SYT6: variants seen among roughly 807,000 people sequenced by gnomAD.
SYT6 encodes the protein synaptotagmin 6.
SYT6 carries 24 observed loss-of-function variants against 38.4 expected under a neutral mutation model. That is an observed-to-expected ratio of 0.62 (90% CI 0.45 to 0.88). The LOEUF is 0.88. Ranked by LOEUF, SYT6 falls within the 40% of genes least tolerant of loss-of-function variation. The pLI, the probability that SYT6 is intolerant of heterozygous loss-of-function variation, is 0.00. For synonymous variants in SYT6, 265 were observed against 241.9 expected, an observed-to-expected ratio of 1.10 and a Z score of -0.89; for missense variants, 611 against 621.0, an observed-to-expected ratio of 0.98 and a Z score of 0.17.
At chr1:114,149,222 T>TGTGTGTGTGTGTGTGTGTGTGCGCGC (rs769842650) in intron 1 of SYT6, among the ~76,000 whole-genome samples, 11,474 of 117,990 alleles carry the variant, frequency 0.097, 579 homozygotes, top group East Asian at 0.21. Flanking sequence ...AGAGATTGTG[T>TGTGTGTGTGTGTGTGTGTGTGCGCGC]GTGTGTGTGT....
chr1:114,094,996 A>C (rs1471852312), intron 6 of SYT6, among the ~76,000 whole-genome samples: 1 of 152,216 alleles, frequency 6.6e-6, no homozygotes, highest in African/African-American at 2.4e-5. Flanking sequence ...TGGGCGCTAA[A>C]TGTGTCAGTG....
At chr1:114,113,515 C>T (rs1676812572) in intron 3 of SYT6, among the ~76,000 whole-genome samples, 1 of 152,186 alleles carries the variant, frequency 6.6e-6, no homozygotes, top group Admixed American at 6.5e-5. Context: ...CAAAGTTGCC[C>T]TTTTCTGTTT....
intron 3 of SYT6, among the ~76,000 whole-genome samples, chr1:114,136,566 C>T (rs905879092): frequency 1.3e-5 from 2 of 152,192 alleles, no homozygotes; most frequent in African/African-American, 4.8e-5. Flanking sequence ...CCAGATGTGT[C>T]CTCTCCAGTT....
intron 3 of SYT6, among the ~76,000 whole-genome samples, chr1:114,125,115 C>T (rs1373292787): frequency 6.6e-6 from 1 of 152,232 alleles, no homozygotes; most frequent in Non-Finnish European, 1.5e-5. Context: ...GCATCAGACA[C>T]AGGTTTTGTG....
In SYT6 at chr1:114,153,637, C is replaced by T. The variant is rs562471602; in HGVS notation, c.136G>A (p.Glu46Lys). ...GCGCCTGCCGCGCTGGGACTCCGCT[C>T]TGGGGGCTGCAGCTCGAAGCTCCGA... is the stretch of plus-strand genomic sequence containing the variant. ...TCRSFELQPP[E>K]RSPSAAGAGT... is the part of the protein sequence containing the mutation. The change falls in exon 1 of 8, where the codon GAG becomes AAG. Residue 46 changes from glutamate (E) to lysine (K), a missense_variant. Physicochemically the swap from Glu to Lys is moderately conservative, Grantham distance 56. Transcript: ENST00000610222. 1.8e-4 allele frequency: 114 copies of T among 638,236 alleles called. 5 individuals are homozygous for T. In the South Asian group the frequency reaches 1.9e-3, roughly 11 times the overall value. The allele number at this position is 638,236 out of a possible 1,614,324, so 39.5% of individuals were successfully genotyped here. A position where few individuals can be genotyped will look rare whatever the true frequency, so the allele number is the denominator to read the frequency against.
At chr1:114,130,823 A>G (rs1678099212) in intron 3 of SYT6, among the ~76,000 whole-genome samples, 1 of 152,192 alleles carries the variant, frequency 6.6e-6, no homozygotes. Context: ...CCTGCCCAGG[A>G]CAGACCTAGA....
At chr1:114,125,719 T>C (rs948234809) in intron 3 of SYT6, among the ~76,000 whole-genome samples, 17 of 152,196 alleles carry the variant, frequency 1.1e-4, no homozygotes, top group African/African-American at 4.1e-4. Context: ...CAGCTCACCT[T>C]GTCTCCTTCC....
At chr1:114,127,234 T>C (rs1677798684) in intron 3 of SYT6, among the ~76,000 whole-genome samples, 2 of 152,298 alleles carry the variant, frequency 1.3e-5, no homozygotes, top group South Asian at 4.2e-4. Flanking sequence ...CAGGAACAGT[T>C]TGTGGACTTG....
chr1:114,145,895 G>C lies in SYT6; in HGVS notation c.164-5932C>G, dbSNP rs182903897. Among the ~76,000 whole-genome samples, 8 of 152,294 alleles carry C rather than the reference G, an allele frequency of 5.3e-5. No individual in the cohort carries two copies. The East Asian group carries it at 1.3e-3, about 26-fold the overall frequency. On this transcript the variant is annotated intron_variant, in intron 1 of 7. Coordinates refer to ENST00000610222, the MANE Select transcript of SYT6 (RefSeq NM_001253772.2). ...TAAATGAAAAGAGAGGTAGGAGAAG[G>C]GGGTGGGGCAGGACAATGAGGTTTT... is the stretch of plus-strand genomic sequence containing the variant.
intron 6 of SYT6, among the ~76,000 whole-genome samples, chr1:114,095,005 T>C (rs1557727430): frequency 6.6e-6 from 1 of 152,200 alleles, no homozygotes; most frequent in African/African-American, 2.4e-5. Flanking sequence ...AATGTGTCAG[T>C]GACAATTTTA....
chr1:114,097,742 C>G lies in SYT6; in HGVS notation c.1500G>C (p.Lys500Asn). The G allele has an allele frequency of 6.2e-7, 1 of 1,614,136 alleles. No individual in the cohort carries two copies. Among genetic ancestry groups the G allele is most frequent in the Non-Finnish European group, 8.5e-7 (1 of 1,179,986 alleles). ...CCTCACCCACCTCTTTGAAGGATTTCTTTACCTCCACCAAGGAGTGCCAGT... is the reference window on the plus strand; with the variant it reads ...CCTCACCCACCTCTTTGAAGGATTTGTTTACCTCCACCAAGGAGTGCCAGT... The part of the protein sequence containing the change: ...IAHWHSLVEV[K>N]KSFKEGNPRL Residue 500 changes from lysine (K) to asparagine (N), a missense_variant, in exon 6 of 8, where the codon AAG (lysine) becomes AAC (asparagine). Lys to Asn is a moderately conservative substitution (Grantham distance 94). Coordinates refer to ENST00000610222, the MANE Select transcript of SYT6 (RefSeq NM_001253772.2).
intron 3 of SYT6, among the ~76,000 whole-genome samples, chr1:114,127,825 G>T (rs983668178): frequency 6.6e-6 from 1 of 152,256 alleles, no homozygotes; most frequent in Admixed American, 6.5e-5. Context: ...CCCAAGGGAG[G>T]GGGTGCCAGA....
At chr1:114,143,145 T>TATATGTATATACTGTATACAC (rs1678959538) in intron 1 of SYT6, among the ~76,000 whole-genome samples, 4 of 149,372 alleles carry the variant, frequency 2.7e-5, no homozygotes, top group African/African-American at 9.8e-5. Context: ...TATGTATATA[T>TATATGTATATACTGTATACAC]ACATATATGT....
chr1:114,137,249 T>C (rs1015880112), intron 3 of SYT6, among the ~76,000 whole-genome samples: 1 of 152,148 alleles, frequency 6.6e-6, no homozygotes, highest in Non-Finnish European at 1.5e-5. Context: ...CCCCAGAACA[T>C]GCAACCAGAA....
At chr1:114,107,814 C>T (rs568406508) in intron 3 of SYT6, among the ~76,000 whole-genome samples, 10 of 152,290 alleles carry the variant, frequency 6.6e-5, no homozygotes, top group South Asian at 6.2e-4. Flanking sequence ...GCTTACCAGC[C>T]TTTTATCCTC....
At chr1:114,132,417 C>T (rs937998234) in intron 3 of SYT6, among the ~76,000 whole-genome samples, 1 of 152,156 alleles carries the variant, frequency 6.6e-6, no homozygotes, top group Admixed American at 6.5e-5. Flanking sequence ...TGGCTTATCA[C>T]TGTGGGGTTT....
chr1:114,140,650 C>T (rs900812840), intron 1 of SYT6, among the ~76,000 whole-genome samples: 3 of 136,476 alleles, frequency 2.2e-5, no homozygotes, highest in African/African-American at 5.5e-5. Flanking sequence ...AAGTTGGAAT[C>T]TGATCTACAC....
intron 4 of SYT6, among the ~76,000 whole-genome samples, chr1:114,100,661 C>T (rs1675913905): frequency 6.6e-6 from 1 of 152,168 alleles, no homozygotes; most frequent in Non-Finnish European, 1.5e-5. Context: ...TTTGAAAGGA[C>T]CCTCTCTTAG....
chr1:114,113,594 A>G (rs540998230), intron 3 of SYT6, among the ~76,000 whole-genome samples: 1 of 152,282 alleles, frequency 6.6e-6, no homozygotes, highest in Admixed American at 6.5e-5. Context: ...GAAATGAGAC[A>G]TCTTTGTGGA....
Sources: allele counts gnomAD v4.1 joint callset (sites outside exome capture counted in the v4.1 genomes callset), GRCh38; gene constraint gnomAD v4.1.1; transcripts MANE v1.5; gene names NCBI Gene and HGNC (gene_info 2026-07-23, HGNC 2026-07-21).